CEP85L: variants seen among roughly 807,000 people sequenced by gnomAD.
CEP85L encodes the protein centrosomal protein 85L, also known as centrosomal protein of 85 kDa-like.
In CEP85L, 60 loss-of-function variants were observed where a neutral mutation model predicts 100.3. That is an observed-to-expected ratio of 0.60 (90% CI 0.49 to 0.74). The LOEUF is 0.74. Among genes scored for constraint, CEP85L ranks in the 30% least tolerant of loss-of-function variants. The pLI is 0.00. For synonymous variants in CEP85L, 319 were observed against 322.7 expected, an observed-to-expected ratio of 0.99 and a Z score of 0.12; for missense variants, 973 against 936.2, an observed-to-expected ratio of 1.04 and a Z score of -0.51.
At chr6:118,502,680 G>T in intron 5 of CEP85L, 1 of 461,144 alleles carries the variant, frequency 2.2e-6, no homozygotes, top group South Asian at 2.3e-5. Context: ...ATGAGCATTT[G>T]AACACCTGAC....
At chr6:118,602,099 ATGAAGATCCATCTTC>A in intron 2 of CEP85L, among the ~76,000 whole-genome samples, 1 of 152,090 alleles carries the variant, frequency 6.6e-6, no homozygotes, top group Non-Finnish European at 1.5e-5. Flanking sequence ...TTGCAGAGGG[ATGAAGATCCATCTTC>A]TTCTGTAACT....
At chr6:118,625,375 G>A (rs960278797) in intron 2 of CEP85L, among the ~76,000 whole-genome samples, 3 of 152,194 alleles carry the variant, frequency 2.0e-5, no homozygotes, top group Admixed American at 6.5e-5. Context: ...GTCCCGCCAC[G>A]CCCGAGCGCC....
chr6:118,468,470 C>T (rs1331972477), intron 12 of CEP85L, among the ~76,000 whole-genome samples: 2 of 152,104 alleles, frequency 1.3e-5, no homozygotes, highest in Non-Finnish European at 2.9e-5. Context: ...AAAAGTAGCA[C>T]AGAAAGAAAG....
At position 118,465,212 on chromosome 6, in the gene CEP85L, ATT is replaced by A; in HGVS notation, c.*191_*192del. On this transcript the variant is annotated 3_prime_UTR_variant, in exon 13 of 13. Transcript: ENST00000368491. ...TATCATATTTTCCAAAGGTAATTTG[ATT>A]TTTTTTCTTTTTGCCTGATTAGATA... The A allele has an allele frequency of 2.1e-6, 1 of 481,250 alleles. No homozygotes were observed. The highest frequency in any genetic ancestry group is 3.3e-5 in the East Asian group (1 of 30,140). The allele number at this position is 481,250 out of a possible 1,614,324, so 29.8% of individuals were successfully genotyped here.
chr6:118,507,762 C>A (rs1775740687), intron 5 of CEP85L, among the ~76,000 whole-genome samples: 1 of 152,166 alleles, frequency 6.6e-6, no homozygotes, highest in Non-Finnish European at 1.5e-5. Context: ...TGGCTCAATT[C>A]ATTTAGTTCA....
At chr6:118,499,228 A>G (rs1775117016) in intron 5 of CEP85L, among the ~76,000 whole-genome samples, 1 of 152,234 alleles carries the variant, frequency 6.6e-6, no homozygotes, top group African/African-American at 2.4e-5. Context: ...TAGAAAAAGT[A>G]AATCTGAAAT....
chr6:118,553,420 T>G (rs767650377), intron 3 of CEP85L, among the ~76,000 whole-genome samples: 1 of 152,188 alleles, frequency 6.6e-6, no homozygotes, highest in Non-Finnish European at 1.5e-5. Flanking sequence ...AAATCTGGCC[T>G]AATTATCATC....
At chr6:118,637,028 G>A (rs1439405960) in intron 1 of CEP85L, among the ~76,000 whole-genome samples, 1 of 152,124 alleles carries the variant, frequency 6.6e-6, no homozygotes, top group African/African-American at 2.4e-5. Context: ...CTTCTATTTA[G>A]AAAAGAACAA....
intron 2 of CEP85L, among the ~76,000 whole-genome samples, chr6:118,575,572 C>T (rs1389564252): frequency 1.3e-5 from 2 of 152,132 alleles, no homozygotes; most frequent in Non-Finnish European, 2.9e-5. Context: ...AACTTCCCTC[C>T]CCACTTCAAG....
chr6:118,595,898 G>A (rs894811498), intron 2 of CEP85L, among the ~76,000 whole-genome samples: 1 of 152,068 alleles, frequency 6.6e-6, no homozygotes, highest in Non-Finnish European at 1.5e-5. Context: ...AAGCCAAATA[G>A]TAATAGTAAT....
At chr6:118,684,047 A>G (rs1457728078) in intron 1 of CEP85L, among the ~76,000 whole-genome samples, 1 of 152,244 alleles carries the variant, frequency 6.6e-6, no homozygotes, top group Non-Finnish European at 1.5e-5. Context: ...TTTCATATCT[A>G]TACTAAACAT....
chr6:118,580,769 C>T (rs909273193), intron 2 of CEP85L, among the ~76,000 whole-genome samples: 2 of 152,212 alleles, frequency 1.3e-5, no homozygotes, highest in Admixed American at 1.3e-4. Flanking sequence ...CTCAGCTATC[C>T]GGTCATGAAA....
chr6:118,613,127 G>A (rs532503016), intron 2 of CEP85L, among the ~76,000 whole-genome samples: 1 of 152,094 alleles, frequency 6.6e-6, no homozygotes, highest in Admixed American at 6.5e-5. Context: ...CAAGAGAATC[G>A]CTTAACCCGG....
intron 2 of CEP85L, among the ~76,000 whole-genome samples, chr6:118,594,453 T>A (rs903922146): frequency 6.6e-6 from 1 of 152,164 alleles, no homozygotes; most frequent in East Asian, 1.9e-4. Flanking sequence ...AAGAAAATTA[T>A]CTCTAATACA....
chr6:118,633,673 G>T (rs1774315684), intron 1 of CEP85L, among the ~76,000 whole-genome samples: 1 of 152,008 alleles, frequency 6.6e-6, no homozygotes, highest in South Asian at 2.1e-4. Context: ...GATATCAATG[G>T]ACCAGTGCCA....
At chr6:118,581,040 A>G (rs1428466191) in intron 2 of CEP85L, among the ~76,000 whole-genome samples, 1 of 152,104 alleles carries the variant, frequency 6.6e-6, no homozygotes, top group Non-Finnish European at 1.5e-5. Flanking sequence ...AATCCTCTAC[A>G]TGAGGCACTT....
chr6:118,521,353 GAC>G (rs1252717734), intron 4 of CEP85L, among the ~76,000 whole-genome samples: 2 of 152,124 alleles, frequency 1.3e-5, no homozygotes, highest in East Asian at 1.9e-4. Flanking sequence ...ACTTTTAAAT[GAC>G]AGTTATGCTG....
At chr6:118,580,624 C>T (rs771089018) in intron 2 of CEP85L, among the ~76,000 whole-genome samples, 3 of 152,166 alleles carry the variant, frequency 2.0e-5, no homozygotes, top group Non-Finnish European at 2.9e-5. Flanking sequence ...ATGGGGAGAC[C>T]TCGCCGTTGC....
chr6:118,585,528 C>G (rs975671798), intron 2 of CEP85L, among the ~76,000 whole-genome samples: 14 of 152,142 alleles, frequency 9.2e-5, no homozygotes, highest in African/African-American at 3.1e-4. Flanking sequence ...AGAAATTAAA[C>G]CTCAGTACTC....
Sources: allele counts gnomAD v4.1 joint callset (sites outside exome capture counted in the v4.1 genomes callset), GRCh38; gene constraint gnomAD v4.1.1; transcripts MANE v1.5; gene names NCBI Gene and HGNC (gene_info 2026-07-23, HGNC 2026-07-21).